The following SP3 variants were observed in gnomAD, a reference collection of about 807,000 sequenced individuals.
SP3 encodes the protein Sp3 transcription factor, also known as transcription factor Sp3.
In SP3, 10 loss-of-function variants were observed where a neutral mutation model predicts 70.3. The observed-to-expected ratio is 0.14, with a 90% CI of 0.09 to 0.24. The LOEUF is 0.24. Among genes scored for constraint, SP3 ranks in the 10% least tolerant of loss-of-function variants. The pLI is 1.00. For synonymous variants in SP3, 402 were observed against 333.5 expected, an observed-to-expected ratio of 1.21 and a Z score of -2.24; for missense variants, 825 against 914.6, an observed-to-expected ratio of 0.90 and a Z score of 1.26.
intron 5 of SP3, chr2:173,915,783 C>T (rs1323534953): frequency 1.3e-5 from 2 of 152,088 alleles, no homozygotes; most frequent in Non-Finnish European, 2.9e-5. Context: ...TAGGTTATCT[C>T]TCACTAGTTT....
In SP3 at chr2:173,901,972, G is replaced by A. The variant is rs951389817; in HGVS notation, c.*7969C>T. Among the ~76,000 whole-genome samples the A allele has an allele frequency of 1.4e-4, 21 of 152,158 alleles. No homozygotes were observed. The highest frequency in any genetic ancestry group is 4.8e-4 in the African/African-American group (20 of 41,448). On this transcript the variant is annotated 3_prime_UTR_variant, in exon 7 of 7. Transcript: ENST00000310015. ...CAAAGTGCTGGGACCACAGGCATGA[G>A]CCACTGCCCCCGGCCAAGCCTTCTT... is the stretch of plus-strand genomic sequence containing the variant.
rs1453416703 is a variant in SP3, at chr2:173,903,828, C to A, written c.*6113G>T. On this transcript the variant is annotated 3_prime_UTR_variant, in exon 7 of 7. Transcript: ENST00000310015. Reference sequence around the variant, plus strand: ...ATTCTACCAGTCTTTCAAGGCCCACCCTTTCTGATTCATCCAAGCTATATA... The same window carrying A: ...ATTCTACCAGTCTTTCAAGGCCCACACTTTCTGATTCATCCAAGCTATATA... 6.6e-6 allele frequency among the ~76,000 whole-genome samples: 1 copy of A among 152,174 alleles called. No individual in the cohort carries two copies. Among genetic ancestry groups the A allele is most frequent in the South Asian group, 2.1e-4 (1 of 4,832 alleles).
intron 3 of SP3, among the ~76,000 whole-genome samples, chr2:173,957,066 A>G (rs1690918908): frequency 6.6e-6 from 1 of 152,192 alleles, no homozygotes; most frequent in Non-Finnish European, 1.5e-5. Flanking sequence ...CTCAACATAA[A>G]CCATTCTATA....
intron 4 of SP3, among the ~76,000 whole-genome samples, chr2:173,928,004 T>G (rs1198213081): frequency 3.9e-5 from 6 of 152,210 alleles, no homozygotes; most frequent in Admixed American, 3.9e-4. Context: ...TTTTATTTCT[T>G]CTACTTGTTT....
In SP3 at chr2:173,955,185, G is replaced by C. The variant is rs1690838256; in HGVS notation, c.1327C>G (p.Leu443Val). 1.2e-6 allele frequency: 2 copies of C among 1,614,038 alleles called. No individual in the cohort carries two copies. Among genetic ancestry groups the C allele is most frequent in the East Asian group, 2.2e-5 (1 of 44,896 alleles). The change falls in exon 4 of 7, where the codon CTG (leucine) becomes GTG (valine). Residue 443 changes from leucine (L) to valine (V), a missense_variant. This residue lies in a region of SP3 where 678 missense variants were observed against 651.6 expected (regional missense o/e 1.04). Transcript: ENST00000310015. ...TGAATTAAAAAGGTTCCAGGATTCA[G>C]CTGCAACTGAAGATTTTGCAAAGCC... ...QQALQNLQLQ[L>V]NPGTFLIQAQ...
At position 173,954,187 on chromosome 2, in the gene SP3, T is replaced by C. The variant is rs372177677; in HGVS notation, c.1639+686A>G. ...ACAGACAACATTAATAGGGTAAAAA[T>C]GACACTATCTCTTTTTAAACTTTAT... On this transcript the variant is annotated intron_variant, in intron 4 of 6. Transcript: ENST00000310015. Among the ~76,000 whole-genome samples, 30 of 152,286 alleles carry C rather than the reference T, an allele frequency of 2.0e-4. No individual in the cohort carries two copies. The South Asian group carries it at 6.0e-3, about 30-fold the overall frequency.
intron 2 of SP3, 140 bp from the exon 3 acceptor site, chr2:173,964,023 CT>C: frequency 2.5e-6 from 1 of 403,150 alleles, no homozygotes; most frequent in Non-Finnish European, 4.3e-6. Context: ...TCTCCTCCTC[CT>C]CCTCCTCCTC....
chr2:173,965,319 G>A lies in SP3; in HGVS notation c.-148C>T, dbSNP rs1206942371. 2 of 931,490 alleles carry A rather than the reference G, an allele frequency of 2.1e-6. No individual in the cohort carries two copies. Among genetic ancestry groups the A allele is most frequent in the Non-Finnish European group, 3.3e-6 (2 of 611,498 alleles). 57.7% of individuals were successfully genotyped at this position (931,490 alleles called of 1,614,324 possible). Reference sequence around the variant, plus strand: ...TTTTTTTTTCCTATTTTGATTGACTGTGCGGGAAACACAAAAGGTGGAGCC... The same window carrying A: ...TTTTTTTTTCCTATTTTGATTGACTATGCGGGAAACACAAAAGGTGGAGCC... On this transcript the variant is annotated 5_prime_UTR_variant, in exon 1 of 7. Coordinates refer to ENST00000310015, the MANE Select transcript of SP3 (RefSeq NM_003111.5).
chr2:173,923,972 G>T (rs1363470934), intron 4 of SP3, among the ~76,000 whole-genome samples: 1 of 151,798 alleles, frequency 6.6e-6, no homozygotes, highest in African/African-American at 2.4e-5. Flanking sequence ...TAAGGGGATA[G>T]TTCTAAATTA....
rs7591398 is a variant in SP3 at position 173,902,906 on chromosome 2, G to C, written c.*7035C>G. The stretch of plus-strand genomic sequence containing the variant: ...CTATACAGATTTCAGGCACAACTGT[G>C]ATCATTCCTTTCTAAAAGAAAAAAT... On this transcript the variant is annotated 3_prime_UTR_variant, in exon 7 of 7. Coordinates refer to ENST00000310015, the MANE Select transcript of SP3 (RefSeq NM_003111.5). Among the ~76,000 whole-genome samples, 1 of 152,086 alleles carries C rather than the reference G, an allele frequency of 6.6e-6. No individual in the cohort carries two copies. Among genetic ancestry groups the C allele is most frequent in the African/African-American group, 2.4e-5 (1 of 41,420 alleles).
chr2:173,941,173 CTCT>C (rs1405893031), intron 4 of SP3, among the ~76,000 whole-genome samples: 1 of 151,586 alleles, frequency 6.6e-6, no homozygotes. Flanking sequence ...TCACTAAATC[CTCT>C]TCACCTTTTA....
At chr2:173,918,534 CA>C in intron 5 of SP3, 58 bp downstream of exon 5, 13 of 1,492,542 alleles carry the variant, frequency 8.7e-6, no homozygotes, top group African/African-American at 1.4e-5. Context: ...TGCAGTATTT[CA>C]AAAATCAGAA....
intron 4 of SP3, among the ~76,000 whole-genome samples, chr2:173,922,714 A>C (rs1170002502): frequency 6.6e-6 from 1 of 152,226 alleles, no homozygotes; most frequent in Non-Finnish European, 1.5e-5. Flanking sequence ...ATACTTAAAA[A>C]GTCAAGTAAA....
chr2:173,914,136 C>T (rs1689564899), intron 5 of SP3: 1 of 150,964 alleles, frequency 6.6e-6, no homozygotes, highest in Non-Finnish European at 1.5e-5. Flanking sequence ...TAGTATTAAA[C>T]ACTACAGAAA....
chr2:173,947,686 A>G (rs1690586189), intron 4 of SP3, among the ~76,000 whole-genome samples: 1 of 152,190 alleles, frequency 6.6e-6, no homozygotes, highest in East Asian at 1.9e-4. Flanking sequence ...TTAATCTGAC[A>G]TGAATTCATC....
chr2:173,937,619 AT>A (rs1326374968), intron 4 of SP3, among the ~76,000 whole-genome samples: 4 of 152,226 alleles, frequency 2.6e-5, no homozygotes, highest in African/African-American at 9.6e-5. Flanking sequence ...CGAGAAAAAA[AT>A]GTTTAAAAAG....
rs1377392567 is a variant in SP3, at chr2:173,933,709, A to T, written c.1640-14924T>A. ...GTAACATTTATAAAATCACAATTTAAAACTTTCAAACCGTTTTCAATAAAT... is the reference window on the plus strand; with the variant it reads ...GTAACATTTATAAAATCACAATTTATAACTTTCAAACCGTTTTCAATAAAT... On this transcript the variant is annotated intron_variant, in intron 4 of 6. Transcript: ENST00000310015. Among the ~76,000 whole-genome samples, 10 of 147,676 alleles carry T rather than the reference A, an allele frequency of 6.8e-5. No individual in the cohort carries two copies. The Admixed American group carries it at 6.8e-4, about 10-fold the overall frequency.
At chr2:173,930,307 C>T (rs1291785597) in intron 4 of SP3, among the ~76,000 whole-genome samples, 1 of 152,110 alleles carries the variant, frequency 6.6e-6, no homozygotes, top group Non-Finnish European at 1.5e-5. Flanking sequence ...CAGGCACAGT[C>T]GCTCATCCCA....
intron 4 of SP3, among the ~76,000 whole-genome samples, chr2:173,952,819 C>T (rs1047918701): frequency 6.6e-6 from 1 of 152,128 alleles, no homozygotes; most frequent in Non-Finnish European, 1.5e-5. Context: ...ACATATTGTA[C>T]AATTACACTG....
Sources: gnomAD v4.1 joint callset for allele counts (sites outside exome capture counted in the v4.1 genomes callset) on GRCh38, gnomAD v4.1.1 for gene constraint, gnomAD v4.1.1 regional missense constraint, MANE v1.5 for transcripts, NCBI Gene and HGNC (gene_info 2026-07-23, HGNC 2026-07-21) for gene names.